MAP2K4: variants seen among roughly 807,000 people sequenced by gnomAD.
MAP2K4 encodes mitogen-activated protein kinase kinase 4, also known as dual specificity mitogen-activated protein kinase kinase 4.
MAP2K4 carries 4 observed loss-of-function variants against 48.5 expected under a neutral mutation model. That is an observed-to-expected ratio of 0.08 (90% confidence interval 0.04 to 0.19). The LOEUF (loss-of-function observed/expected upper bound fraction) is 0.19. Ranked by LOEUF, MAP2K4 falls within the 10% of genes least tolerant of loss-of-function variation. The pLI, the probability that MAP2K4 is intolerant of heterozygous loss-of-function variation, is 1.00. For missense variants in MAP2K4, 258 were observed against 493.3 expected (o/e 0.52, Z 4.52); for synonymous variants, 166 against 173.1 (o/e 0.96, Z 0.32).
chr17:12,131,513 G>A (rs1446641246), intron 9 of MAP2K4, among the ~76,000 whole-genome samples: 1 of 151,910 alleles, frequency 6.6e-6, no homozygotes, highest in Admixed American at 6.6e-5. Flanking sequence ...CCAGAGCGCT[G>A]GGATTACAGG....
At chr17:12,121,988 T>C (rs992314899) in intron 7 of MAP2K4, among the ~76,000 whole-genome samples, 2 of 152,234 alleles carry the variant, frequency 1.3e-5, no homozygotes, top group Non-Finnish European at 2.9e-5. Flanking sequence ...TTAAATTTAT[T>C]TCTAAGGAGT....
chr17:12,081,749 A>G lies in MAP2K4; in HGVS notation c.393+219A>G. On this transcript the variant is annotated intron_variant, in intron 3 of 10. Transcript: ENST00000353533. This position sits in a 1 kb window ranked among gnomAD's most constrained non-coding sequence, Gnocchi z 4.2. ...ATGAGTGTATGAAGTGTGCATGTTG[A>G]TTGCATTTTTGGCATGATGCATTAA... 1.8e-6 allele frequency: 1 copy of G among 570,138 alleles called. No homozygotes were observed. The highest frequency in any genetic ancestry group is 3.2e-6 in the Non-Finnish European group (1 of 308,368). The allele number at this position is 570,138 out of a possible 1,614,324, so 35.3% of individuals were successfully genotyped here. A position where few individuals can be genotyped will look rare whatever the true frequency, so the allele number is the denominator to read the frequency against.
At chr17:12,107,691 CAAGA>C in intron 4 of MAP2K4, 95 bp from the exon 5 acceptor site, 1 of 1,024,932 alleles carries the variant, frequency 9.8e-7, no homozygotes, top group Non-Finnish European at 1.4e-6. Context: ...TTGAAATAAG[CAAGA>C]ATAAGATTGC....
rs1973368900 is a variant in MAP2K4 at position 12,141,222 on chromosome 17, A to C, written c.1162A>C (p.Met388Leu). Reference sequence around the variant, plus strand: ...CTATGTTTGTAAAATCCTGGATCAAATGCCAGCTACTCCCAGCTCTCCCAT... The same window carrying C: ...CTATGTTTGTAAAATCCTGGATCAACTGCCAGCTACTCCCAGCTCTCCCAT... ...ACYVCKILDQ[M>L]PATPSSPMYV... Residue 388 changes from methionine (M) to leucine (L), a missense_variant, in exon 11 of 11, where the codon ATG (methionine) becomes CTG (leucine). Met to Leu is a conservative substitution (Grantham distance 15). Coordinates refer to ENST00000353533, the MANE Select transcript of MAP2K4 (RefSeq NM_003010.4). 5 of 1,613,874 alleles carry C rather than the reference A, an allele frequency of 3.1e-6. No individual in the cohort carries two copies. The highest frequency in any genetic ancestry group is 4.2e-6 in the Non-Finnish European group (5 of 1,179,756).
chr17:12,092,502 G>A (rs745478781), intron 3 of MAP2K4, among the ~76,000 whole-genome samples: 1 of 152,068 alleles, frequency 6.6e-6, no homozygotes, highest in Non-Finnish European at 1.5e-5. Context: ...AACTTTCTTG[G>A]TAGTAGCTTT....
intron 1 of MAP2K4, among the ~76,000 whole-genome samples, chr17:12,030,335 T>C (rs536011169): frequency 1.3e-5 from 2 of 152,320 alleles, no homozygotes; most frequent in East Asian, 3.9e-4. Context: ...AGTATTTTCT[T>C]AGTGAGAAAT....
chr17:12,139,597 TTAA>T (rs2151598283), intron 9 of MAP2K4, among the ~76,000 whole-genome samples: 1 of 152,292 alleles, frequency 6.6e-6, no homozygotes, highest in South Asian at 2.1e-4. Context: ...TTTTCAAGAA[TTAA>T]TATTTTTTCT....
intron 2 of MAP2K4, among the ~76,000 whole-genome samples, chr17:12,072,082 C>G (rs922099026): frequency 5.3e-5 from 8 of 152,120 alleles, no homozygotes; most frequent in Middle Eastern, 3.2e-3. Context: ...CCTTATATTG[C>G]CTATATTCTC....
intron 3 of MAP2K4, among the ~76,000 whole-genome samples, chr17:12,090,796 G>A (rs1274371021): frequency 6.6e-6 from 1 of 152,170 alleles, no homozygotes; most frequent in Admixed American, 6.5e-5. Context: ...AGTATATACT[G>A]CCTGTTTCTG....
At chr17:12,033,120 G>A (rs1194821951) in intron 1 of MAP2K4, among the ~76,000 whole-genome samples, 1 of 151,972 alleles carries the variant, frequency 6.6e-6, no homozygotes, top group Non-Finnish European at 1.5e-5. Flanking sequence ...ACAGGTGTGA[G>A]CGACTGTACC....
At chr17:12,120,624 G>C (rs1597488489) in intron 7 of MAP2K4, among the ~76,000 whole-genome samples, 1 of 144,582 alleles carries the variant, frequency 6.9e-6, no homozygotes, top group African/African-American at 2.5e-5. Context: ...CATAACACAA[G>C]AAGAAATCAT....
intron 1 of MAP2K4, among the ~76,000 whole-genome samples, chr17:12,028,409 C>A (rs1342929909): frequency 6.6e-6 from 1 of 152,112 alleles, no homozygotes; most frequent in East Asian, 1.9e-4. Flanking sequence ...ATAAGGAAAT[C>A]TGAAAGAAAT....
rs2151561621 is a variant in MAP2K4 at position 12,095,577 on chromosome 17, A to T, written c.396A>T (p.Arg132Ser). Residue 132 changes from arginine (R) to serine (S), a missense_variant and splice_region_variant, in exon 4 of 11, where the codon AGA becomes AGT. Physicochemically the swap from Arg to Ser is moderately radical, Grantham distance 110. Coordinates refer to ENST00000353533, the MANE Select transcript of MAP2K4 (RefSeq NM_003010.4). Reference sequence around the variant, plus strand: ...CATCTTTTGTCATTCTTTTCCAGAGAATTCGGTCAACAGTGGATGAAAAAG... The same window carrying T: ...CATCTTTTGTCATTCTTTTCCAGAGTATTCGGTCAACAGTGGATGAAAAAG... ...KPSGQIMAVKRIRSTVDEKEQ... is the reference protein window; with the variant it reads ...KPSGQIMAVKSIRSTVDEKEQ... 6.2e-7 allele frequency: 1 copy of T among 1,613,666 alleles called. No homozygotes were observed. Among genetic ancestry groups the T allele is most frequent in the Non-Finnish European group, 8.5e-7 (1 of 1,179,868 alleles).
Position 12,039,079 on chromosome 17 carries a change from A to G in MAP2K4, c.116-15810A>G, listed in dbSNP as rs550253614. Reference sequence around the variant, plus strand: ...CGTGTTGCTATGAAGTTAGGAACACAGGGGATCTACCACTAGGGAAAACGA... The same window carrying G: ...CGTGTTGCTATGAAGTTAGGAACACGGGGGATCTACCACTAGGGAAAACGA... On this transcript the variant is annotated intron_variant, in intron 1 of 10. Transcript: ENST00000353533. 4.6e-5 allele frequency among the ~76,000 whole-genome samples: 7 copies of G among 152,318 alleles called. No homozygotes were observed. In the South Asian group the frequency reaches 8.3e-4, roughly 18 times the overall value.
chr17:12,121,310 A>C (rs1263135450), intron 7 of MAP2K4, among the ~76,000 whole-genome samples: 2 of 152,208 alleles, frequency 1.3e-5, no homozygotes, highest in Non-Finnish European at 2.9e-5. Flanking sequence ...ATTTGAAAAA[A>C]TCCAAAATCG....
At chr17:12,021,388 G>T (rs1969043517) in intron 1 of MAP2K4, 1 of 153,166 alleles carries the variant, frequency 6.5e-6, no homozygotes, top group East Asian at 1.9e-4. Context: ...AGCGGGAGGG[G>T]CGTCGGGCCT....
rs1271606874 is a variant in MAP2K4, at chr17:12,126,335, T to C, written c.891+964T>C. ...ACTCTTCTTTCTTACCTATGGACTGTATTGAAATTTTGGTTTCATTTAAAA... is the reference window on the plus strand; with the variant it reads ...ACTCTTCTTTCTTACCTATGGACTGCATTGAAATTTTGGTTTCATTTAAAA... On this transcript the variant is annotated intron_variant, in intron 8 of 10. Coordinates refer to ENST00000353533, the MANE Select transcript of MAP2K4 (RefSeq NM_003010.4). Among the ~76,000 whole-genome samples, 3 of 152,242 alleles carry C rather than the reference T, an allele frequency of 2.0e-5. No individual in the cohort carries two copies. The East Asian group carries it at 5.8e-4, about 29-fold the overall frequency.
chr17:12,078,813 G>C (rs1971094734), intron 2 of MAP2K4, among the ~76,000 whole-genome samples: 1 of 152,134 alleles, frequency 6.6e-6, no homozygotes, highest in Non-Finnish European at 1.5e-5. Context: ...TCCAGTTCCT[G>C]TATCTAGTCA....
intron 7 of MAP2K4, among the ~76,000 whole-genome samples, chr17:12,113,753 T>A (rs1403875075): frequency 3.9e-5 from 6 of 152,178 alleles, no homozygotes; most frequent in African/African-American, 1.4e-4. Flanking sequence ...GCTGCATATT[T>A]TGAATATTGT....
Sources: allele counts gnomAD v4.1 joint callset (sites outside exome capture counted in the v4.1 genomes callset), GRCh38; gene constraint gnomAD v4.1.1; non-coding constraint Gnocchi (gnomAD v3.1); transcripts MANE v1.5; gene names NCBI Gene and HGNC (gene_info 2026-07-23, HGNC 2026-07-21).